Variants in C19orf38 observed in about 807,000 individuals in gnomAD.
C19orf38 encodes chromosome 19 open reading frame 38.
C19orf38 carries 14 observed loss-of-function variants against 26.6 expected under a neutral mutation model. The observed-to-expected ratio is 0.53, with a 90% CI of 0.35 to 0.82. The LOEUF is 0.82. Ranked by LOEUF, C19orf38 falls within the 40% of genes least tolerant of loss-of-function variation. C19orf38 has a pLI of 0.01. For missense variants in C19orf38, 261 were observed against 299.5 expected (o/e 0.87, Z 0.95); for synonymous variants, 132 against 128.5 (o/e 1.03, Z -0.18).
intron 4 of C19orf38, among the ~76,000 whole-genome samples, chr19:10,859,330 A>ATG (rs35222384): frequency 0.01 from 672 of 64,632 alleles, 9 homozygotes; most frequent in Non-Finnish European, 0.013. Flanking sequence ...GTGTGTATGT[A>ATG]TGTGTGTGTG....
At chr19:10,841,033 T>C (rs544678582) in intron 1 of C19orf38, among the ~76,000 whole-genome samples, 1 of 152,224 alleles carries the variant, frequency 6.6e-6, no homozygotes, top group Non-Finnish European at 1.5e-5. Flanking sequence ...CATCTTCTTA[T>C]CTGCTTCTCG....
chr19:10,852,803 A>G (rs762892415), intron 2 of C19orf38, among the ~76,000 whole-genome samples: 18 of 151,986 alleles, frequency 1.2e-4, no homozygotes, highest in Admixed American at 7.2e-4. Flanking sequence ...GAGTGAGGGA[A>G]CCCTGGCAGG....
intron 6 of C19orf38, among the ~76,000 whole-genome samples, chr19:10,868,769 G>A (rs890475475): frequency 4.6e-5 from 7 of 152,182 alleles, no homozygotes; most frequent in Admixed American, 4.6e-4. Flanking sequence ...GTCTCCCAAA[G>A]TGCTGGGATT....
intron 1 of C19orf38, chr19:10,842,264 C>CTTTT: frequency 2.3e-6 from 2 of 881,262 alleles, no homozygotes; most frequent in Admixed American, 2.2e-5. Context: ...GAATAAAATA[C>CTTTT]TTTTTTTTTT....
At chr19:10,864,083 CAG>C (rs1273097474) in intron 6 of C19orf38, among the ~76,000 whole-genome samples, 15 of 151,920 alleles carry the variant, frequency 9.9e-5, no homozygotes, top group Admixed American at 9.9e-4. Flanking sequence ...TTTTTCAAGA[CAG>C]AGTCTAGCTC....
chr19:10,853,653 G>A (rs1339115361), intron 2 of C19orf38, among the ~76,000 whole-genome samples: 19 of 134,354 alleles, frequency 1.4e-4, no homozygotes, highest in Admixed American at 4.6e-4. Context: ...ACAGTGGCAC[G>A]ATCTCGGCTC....
intron 3 of C19orf38, among the ~76,000 whole-genome samples, chr19:10,857,959 G>T (rs1219558856): frequency 2.7e-5 from 4 of 150,736 alleles, no homozygotes. Context: ...AGGCTGGGTG[G>T]GGTGGCTTGC....
chr19:10,863,344 C>A, intron 6 of C19orf38, 137 bp downstream of exon 6: 1 of 1,016,432 alleles, frequency 9.8e-7, no homozygotes, highest in Non-Finnish European at 1.5e-6. Flanking sequence ...AGCCCAGAAT[C>A]ACTGAACAGG....
intron 6 of C19orf38, among the ~76,000 whole-genome samples, chr19:10,863,925 C>T (rs907758481): frequency 1.3e-5 from 2 of 151,992 alleles, no homozygotes; most frequent in African/African-American, 4.8e-5. Flanking sequence ...AACAAACAAA[C>T]AGATAAAAAT....
At chr19:10,846,996 A>G (rs1426128230), upstream of C19orf38, among the ~76,000 whole-genome samples, 1 of 152,132 alleles carries the variant, frequency 6.6e-6, no homozygotes, top group Non-Finnish European at 1.5e-5. Context: ...GTTGGATTGA[A>G]CTTTCTGTGT....
In C19orf38 at chr19:10,860,560, G is replaced by A. The variant is rs1030463279; in HGVS notation, c.505+602G>A. 2.9e-4 allele frequency among the ~76,000 whole-genome samples: 29 copies of A among 98,610 alleles called. No individual in the cohort carries two copies. In the East Asian group the frequency reaches 8.8e-3, roughly 30 times the overall value. 64.7% of individuals were successfully genotyped at this position (98,610 alleles called of 152,430 possible). A position where few individuals can be genotyped will look rare whatever the true frequency, so the allele number is the denominator to read the frequency against. ...AAAAAAAAAAAAAAAAAAAAAAAAA[G>A]GCCAGGCGTGGTGGCTCACGCCTGT... On this transcript the variant is annotated intron_variant, in intron 5 of 6. Transcript: ENST00000397820.
upstream of C19orf38, among the ~76,000 whole-genome samples, chr19:10,846,510 G>GA (rs2073519625): frequency 1.3e-5 from 2 of 151,724 alleles, no homozygotes; most frequent in African/African-American, 2.4e-5. Flanking sequence ...AAGGTAACCA[G>GA]AAAAAAGAAA....
At chr19:10,865,626 T>C (rs915714249) in intron 6 of C19orf38, among the ~76,000 whole-genome samples, 1 of 152,150 alleles carries the variant, frequency 6.6e-6, no homozygotes, top group Non-Finnish European at 1.5e-5. Context: ...AGCAAGACTT[T>C]GTCTCAAACA....
chr19:10,869,152 T>G (rs2073779183), intron 6 of C19orf38, 66 bp from the exon 7 acceptor site: 1 of 1,538,010 alleles, frequency 6.5e-7, no homozygotes, highest in Admixed American at 2.0e-5. Context: ...GCTCAGAACA[T>G]GGAGAAACCC....
rs371361008 is a variant in C19orf38 at position 10,848,603 on chromosome 19, C to T, written c.31+64C>T. The T allele has an allele frequency of 5.1e-4, 709 of 1,397,182 alleles. 5 individuals are homozygous for T. Among genetic ancestry groups the T allele is most frequent in the Admixed American group, 5.7e-4 (27 of 47,384 alleles). 86.5% of individuals were successfully genotyped at this position (1,397,182 alleles called of 1,614,324 possible). On this transcript the variant is annotated intron_variant, in intron 1 of 6. Transcript: ENST00000397820. ...TCCCCCCATCCTCTGTCCACCTTGC[C>T]GCTCCAGGGGCAGAAACCAGTGCAG...
intron 2 of C19orf38, among the ~76,000 whole-genome samples, chr19:10,854,761 G>T (rs910450664): frequency 6.6e-6 from 1 of 152,116 alleles, no homozygotes; most frequent in African/African-American, 2.4e-5. Flanking sequence ...AGGGTCTACC[G>T]TTGGGCTGGG....
At chr19:10,842,873 C>T (rs999474102) in intron 1 of C19orf38, among the ~76,000 whole-genome samples, 1 of 152,220 alleles carries the variant, frequency 6.6e-6, no homozygotes, top group Non-Finnish European at 1.5e-5. Flanking sequence ...ACACTGGAGG[C>T]ACCCTGCCCA....
intron 1 of C19orf38, among the ~76,000 whole-genome samples, chr19:10,843,164 G>T (rs891221268): frequency 1.3e-5 from 2 of 152,190 alleles, no homozygotes; most frequent in Non-Finnish European, 2.9e-5. Context: ...CCACTCAAAG[G>T]TGGGTCCAAC....
At chr19:10,849,300 C>T (rs916564344) in intron 1 of C19orf38, among the ~76,000 whole-genome samples, 1 of 152,166 alleles carries the variant, frequency 6.6e-6, no homozygotes, top group Non-Finnish European at 1.5e-5. Context: ...GGATTACAGG[C>T]GTGAGCCACT....
Sources: allele counts gnomAD v4.1 joint callset (sites outside exome capture counted in the v4.1 genomes callset), GRCh38; gene constraint gnomAD v4.1.1; transcripts MANE v1.5; gene names NCBI Gene and HGNC (gene_info 2026-07-23, HGNC 2026-07-21).